The following CAPN13 variants were observed in gnomAD, a reference collection of about 807,000 sequenced individuals.
CAPN13 encodes calpain 13.
In CAPN13, 90 loss-of-function variants were observed where a neutral mutation model predicts 98.4. The observed-to-expected ratio is 0.92, with a 90% CI of 0.77 to 1.09. CAPN13 has a LOEUF of 1.09. CAPN13 is among the 50% of genes least tolerant of loss of function. CAPN13 has a pLI of 0.00. For missense variants in CAPN13, 887 were observed against 841.3 expected, an observed-to-expected ratio of 1.05 and a Z score of -0.67; for synonymous variants, 330 against 305.5, an observed-to-expected ratio of 1.08 and a Z score of -0.84.
intron 5 of CAPN13, 115 bp from the exon 6 acceptor site, chr2:30,764,421 C>T: frequency 4.3e-6 from 5 of 1,153,204 alleles, no homozygotes; most frequent in Non-Finnish European, 6.1e-6. Context: ...CTGGTCCACT[C>T]CTGATCATGG....
intron 1 of CAPN13, among the ~76,000 whole-genome samples, chr2:30,793,336 T>A (rs1458571133): frequency 6.6e-6 from 1 of 151,342 alleles, no homozygotes; most frequent in Non-Finnish European, 1.5e-5. Context: ...AATAGGAGAA[T>A]AGTAACATCC....
rs775157500 is a variant in CAPN13 at position 30,775,933 on chromosome 2, G to A, written c.384C>T (p.Phe128=). 2 of 1,607,236 alleles carry A rather than the reference G, an allele frequency of 1.2e-6. No homozygotes were observed. Among genetic ancestry groups the A allele is most frequent in the Non-Finnish European group, 1.7e-6 (2 of 1,176,182 alleles). The part of the protein sequence containing the change: ...FSHQYAGIFR[F]RFWQCGQWVE... ...AGCGCTGCAAGGGCACACGTACCCGGAAACGGAAAATGCCAGCATACTGGT... is the reference window on the plus strand; with the variant it reads ...AGCGCTGCAAGGGCACACGTACCCGAAAACGGAAAATGCCAGCATACTGGT... Residue 128 remains phenylalanine (F), a synonymous_variant, in exon 4 of 23, where the codon TTC becomes TTT. Coordinates refer to ENST00000295055, the MANE Select transcript of CAPN13 (RefSeq NM_144575.3).
At chr2:30,766,556 GGAGA>G (rs940097783) in intron 5 of CAPN13, among the ~76,000 whole-genome samples, 3 of 152,206 alleles carry the variant, frequency 2.0e-5, no homozygotes, top group South Asian at 2.1e-4. Context: ...GAAGTAGAAA[GGAGA>G]GAGAGAGAGA....
chr2:30,766,922 G>C (rs1253427773), intron 5 of CAPN13, among the ~76,000 whole-genome samples: 1 of 152,204 alleles, frequency 6.6e-6, no homozygotes, highest in Non-Finnish European at 1.5e-5. Context: ...TGTGTTCACT[G>C]GGCTGTTGCC....
At chr2:30,800,172 G>GAA (rs1284766889) in intron 1 of CAPN13, among the ~76,000 whole-genome samples, 1 of 151,042 alleles carries the variant, frequency 6.6e-6, no homozygotes, top group Non-Finnish European at 1.5e-5. Flanking sequence ...AAGAAAGAAA[G>GAA]AAAGAAAGAA....
At chr2:30,737,966 GACAC>G (rs71831494) in intron 17 of CAPN13, 23,936 of 370,106 alleles carry the variant, frequency 0.065, 236 homozygotes, top group South Asian at 0.079. Context: ...GAATTATAAG[GACAC>G]ACACACACAC....
chr2:30,769,853 G>T (rs17010236), intron 5 of CAPN13, among the ~76,000 whole-genome samples: 93,349 of 151,682 alleles, frequency 0.62, 29,681 homozygotes, highest in South Asian at 0.77. Context: ...GTCTTTATTT[G>T]AATCACTCCC....
chr2:30,731,184 G>T (rs528438583), intron 21 of CAPN13, among the ~76,000 whole-genome samples, 160 bp downstream of exon 21: 2 of 152,184 alleles, frequency 1.3e-5, no homozygotes, highest in South Asian at 4.1e-4. Flanking sequence ...GCAGCCTGGC[G>T]GCCAGCGATA....
At chr2:30,740,372 C>G (rs2147965137) in intron 15 of CAPN13, among the ~76,000 whole-genome samples, 1 of 152,312 alleles carries the variant, frequency 6.6e-6, no homozygotes. Context: ...GGATGACAGG[C>G]GTCAGCTACC....
chr2:30,801,980 C>T (rs1306889293), intron 1 of CAPN13, among the ~76,000 whole-genome samples: 1 of 152,138 alleles, frequency 6.6e-6, no homozygotes. Context: ...TTTTAAAGAC[C>T]ACCGCCCCCT....
intron 15 of CAPN13, 139 bp downstream of exon 15, chr2:30,741,769 C>G: frequency 6.6e-7 from 1 of 1,513,146 alleles, no homozygotes; most frequent in South Asian, 1.3e-5. Flanking sequence ...TGGAGACGAT[C>G]CAGGAAGAGA....
At chr2:30,732,311 C>T in intron 20 of CAPN13, 127 bp downstream of exon 20, 3 of 1,221,884 alleles carry the variant, frequency 2.5e-6, no homozygotes, top group Non-Finnish European at 2.3e-6. Context: ...GCACCTCACA[C>T]AGGCTGCTGG....
intron 1 of CAPN13, among the ~76,000 whole-genome samples, chr2:30,802,463 A>ATGTGTGTGTG (rs60572949): frequency 4.6e-4 from 64 of 140,204 alleles, no homozygotes; most frequent in African/African-American, 1.2e-3. Flanking sequence ...GTGTGTGTGT[A>ATGTGTGTGTG]TGTGTGTGTG....
At chr2:30,728,788 T>A (rs1670151950) in intron 22 of CAPN13, among the ~76,000 whole-genome samples, 1 of 152,096 alleles carries the variant, frequency 6.6e-6, no homozygotes, top group African/African-American at 2.4e-5. Flanking sequence ...TTGAGGGATA[T>A]GAGTAGATAT....
intron 5 of CAPN13, among the ~76,000 whole-genome samples, chr2:30,765,662 C>T (rs1345421168): frequency 2.0e-5 from 3 of 152,216 alleles, no homozygotes; most frequent in Non-Finnish European, 4.4e-5. Context: ...CTGACATTCT[C>T]TCTTCCTGGG....
intron 2 of CAPN13, among the ~76,000 whole-genome samples, chr2:30,784,219 C>A (rs1409341866): frequency 6.6e-6 from 1 of 151,934 alleles, no homozygotes; most frequent in Non-Finnish European, 1.5e-5. Flanking sequence ...AGAAGAAAGG[C>A]ATTTTCTACA....
chr2:30,801,949 A>G (rs1209007819), intron 1 of CAPN13, among the ~76,000 whole-genome samples: 1 of 152,192 alleles, frequency 6.6e-6, no homozygotes, highest in African/African-American at 2.4e-5. Flanking sequence ...AATGCAGATG[A>G]TGTGACTCTC....
intron 8 of CAPN13, 70 bp from the exon 9 acceptor site, chr2:30,754,434 A>G: frequency 7.7e-6 from 10 of 1,305,870 alleles, no homozygotes; most frequent in Non-Finnish European, 1.1e-5. Context: ...GTGTGGGTCA[A>G]CAGGGACCCT....
chr2:30,737,018 A>G (rs1258390572), intron 17 of CAPN13: 2 of 194,528 alleles, frequency 1.0e-5, no homozygotes, highest in South Asian at 2.1e-4. Flanking sequence ...GCCATGCCGT[A>G]TGATGGGTTC....
Sources: allele counts gnomAD v4.1 joint callset (sites outside exome capture counted in the v4.1 genomes callset), GRCh38; gene constraint gnomAD v4.1.1; transcripts MANE v1.5; gene names NCBI Gene and HGNC (gene_info 2026-07-23, HGNC 2026-07-21).